The following SLC25A21 variants were observed in gnomAD, a reference collection of about 807,000 sequenced individuals.
SLC25A21 encodes mitochondrial 2-oxodicarboxylate carrier.
Under a neutral mutation model 43.8 loss-of-function variants are expected in SLC25A21, and 47 were observed. That is an observed-to-expected ratio of 1.07 (90% CI 0.85 to 1.37). SLC25A21 has a LOEUF of 1.37. Among genes scored for constraint, SLC25A21 ranks in the 40% most tolerant of loss-of-function variants. The pLI, the probability that SLC25A21 is intolerant of heterozygous loss-of-function variation, is 0.00. For synonymous variants in SLC25A21, 131 were observed against 121.3 expected (o/e 1.08, Z -0.52); for missense variants, 352 against 350.2 (o/e 1.00, Z -0.04).
chr14:37,020,766 G>A (rs1176363196), intron 1 of SLC25A21, among the ~76,000 whole-genome samples: 2 of 151,880 alleles, frequency 1.3e-5, no homozygotes, highest in Non-Finnish European at 2.9e-5. Context: ...GACCTAACAT[G>A]AGGTGATTAG....
intron 2 of SLC25A21, among the ~76,000 whole-genome samples, chr14:36,869,511 T>C (rs1448308263): frequency 6.6e-6 from 1 of 152,188 alleles, no homozygotes; most frequent in East Asian, 1.9e-4. Context: ...GGGATATCCC[T>C]GGGATGCCTC....
intron 1 of SLC25A21, among the ~76,000 whole-genome samples, chr14:36,890,207 T>C (rs1891037580): frequency 6.6e-6 from 1 of 152,126 alleles, no homozygotes; most frequent in African/African-American, 2.4e-5. Context: ...CATCATAAAA[T>C]TACTGAGTAG....
chr14:36,705,602 CTCTG>C (rs1883509205), intron 7 of SLC25A21, among the ~76,000 whole-genome samples: 1 of 152,172 alleles, frequency 6.6e-6, no homozygotes, highest in Non-Finnish European at 1.5e-5. Flanking sequence ...CTGCCTCTGT[CTCTG>C]TCTCTCTCTC....
At chr14:37,013,409 G>T (rs1413680900) in intron 1 of SLC25A21, among the ~76,000 whole-genome samples, 1 of 152,138 alleles carries the variant, frequency 6.6e-6, no homozygotes, top group African/African-American at 2.4e-5. Flanking sequence ...AAGTACAGCT[G>T]CTCTGTGAAG....
chr14:36,943,379 ACACCCTTT>A (rs986015413), intron 1 of SLC25A21, among the ~76,000 whole-genome samples: 6 of 152,076 alleles, frequency 3.9e-5, no homozygotes, highest in African/African-American at 1.4e-4. Flanking sequence ...TTTAGTAAAG[ACACCCTTT>A]CACCATGTTG....
chr14:36,941,647 A>G (rs752143610), intron 1 of SLC25A21, among the ~76,000 whole-genome samples: 21 of 151,830 alleles, frequency 1.4e-4, no homozygotes, highest in Non-Finnish European at 2.4e-4. Context: ...TATAAAATTA[A>G]ATATAATTAT....
At chr14:36,991,439 C>G (rs11850005) in intron 1 of SLC25A21, among the ~76,000 whole-genome samples, 1 of 152,096 alleles carries the variant, frequency 6.6e-6, no homozygotes, top group Non-Finnish European at 1.5e-5. Context: ...GGATGCAAAC[C>G]TTGGGTAACA....
At chr14:37,094,937 T>C (rs1021990893) in intron 1 of SLC25A21, among the ~76,000 whole-genome samples, 10 of 152,014 alleles carry the variant, frequency 6.6e-5, no homozygotes, top group Admixed American at 4.6e-4. Context: ...TTTTTGAAAA[T>C]TGCTAAGAGA....
At chr14:37,110,297 T>C (rs1204534921) in intron 1 of SLC25A21, among the ~76,000 whole-genome samples, 1 of 152,296 alleles carries the variant, frequency 6.6e-6, no homozygotes, top group Non-Finnish European at 1.5e-5. Context: ...TGCTTCATTA[T>C]TAAATGTAAA....
intron 1 of SLC25A21, among the ~76,000 whole-genome samples, chr14:36,939,606 T>A (rs1219492331): frequency 6.6e-6 from 1 of 152,100 alleles, no homozygotes; most frequent in Non-Finnish European, 1.5e-5. Flanking sequence ...CCTCTTGCTG[T>A]CCTATGTGAG....
rs535191809 is a variant in SLC25A21, at chr14:37,142,282, T to C, written c.70+29999A>G. On this transcript the variant is annotated intron_variant, in intron 1 of 9. Coordinates refer to ENST00000331299, the MANE Select transcript of SLC25A21 (RefSeq NM_030631.4). ...CAGTGATAATTGACTGAGACAGAAC[T>C]CAAACAGCTCTGTCCAACTCCAGAG... Among the ~76,000 whole-genome samples the C allele has an allele frequency of 2.0e-5, 3 of 152,302 alleles. 1 individual carries two copies. The highest frequency in any genetic ancestry group is 2.0e-4 in the Admixed American group (3 of 15,304).
chr14:37,119,367 G>A (rs1219697325), intron 1 of SLC25A21, among the ~76,000 whole-genome samples: 1 of 152,060 alleles, frequency 6.6e-6, no homozygotes, highest in African/African-American at 2.4e-5. Flanking sequence ...TGGCCAACAT[G>A]GTGAAGCCTC....
intron 6 of SLC25A21, among the ~76,000 whole-genome samples, chr14:36,724,055 A>C (rs1172093888): frequency 6.6e-6 from 1 of 152,210 alleles, no homozygotes; most frequent in African/African-American, 2.4e-5. Flanking sequence ...CATATTAATA[A>C]GCCATTTGAA....
intron 1 of SLC25A21, among the ~76,000 whole-genome samples, chr14:36,891,912 A>T (rs1891083210): frequency 6.6e-6 from 1 of 152,196 alleles, no homozygotes; most frequent in Admixed American, 6.6e-5. Context: ...CATGAAGAAC[A>T]GAGATTCTGT....
chr14:36,765,446 T>C (rs182804277), intron 3 of SLC25A21, among the ~76,000 whole-genome samples: 111 of 152,308 alleles, frequency 7.3e-4, no homozygotes, highest in South Asian at 3.5e-3. Flanking sequence ...CCCAGTGTTT[T>C]GGGGTAGTTT....
intron 1 of SLC25A21, among the ~76,000 whole-genome samples, chr14:37,022,931 A>G (rs995480519): frequency 6.6e-6 from 1 of 152,020 alleles, no homozygotes; most frequent in African/African-American, 2.4e-5. Flanking sequence ...TAATTATTTA[A>G]CTGAAGGAGG....
chr14:36,824,488 A>G (rs1888749957), intron 2 of SLC25A21, among the ~76,000 whole-genome samples: 1 of 152,324 alleles, frequency 6.6e-6, no homozygotes, highest in Admixed American at 6.5e-5. Context: ...CATACTGCTT[A>G]CTTTTATATC....
chr14:37,022,449 A>T (rs544530174), intron 1 of SLC25A21, among the ~76,000 whole-genome samples: 2 of 152,012 alleles, frequency 1.3e-5, no homozygotes, highest in Non-Finnish European at 2.9e-5. Flanking sequence ...CTGAAAGTCA[A>T]TTCCATAAAA....
At chr14:36,727,849 T>A (rs1019259533) in intron 5 of SLC25A21, among the ~76,000 whole-genome samples, 2 of 152,176 alleles carry the variant, frequency 1.3e-5, no homozygotes, top group African/African-American at 4.8e-5. Flanking sequence ...TTCATTTATC[T>A]CAGACTTCCA....
Sources: allele counts gnomAD v4.1 joint callset (sites outside exome capture counted in the v4.1 genomes callset), GRCh38; gene constraint gnomAD v4.1.1; transcripts MANE v1.5; gene names NCBI Gene and HGNC (gene_info 2026-07-23, HGNC 2026-07-21).